The following PCDH11X variants were observed in gnomAD, a reference collection of about 807,000 sequenced individuals.
PCDH11X encodes the protein protocadherin 11 X-linked.
A neutral mutation model predicts 53.3 loss-of-function variants in PCDH11X; 18 were observed. The observed-to-expected ratio is 0.34, with a 90% CI of 0.23 to 0.50. The LOEUF is 0.50. PCDH11X is among the 20% of genes least tolerant of loss of function. PCDH11X has a pLI of 0.98. For missense variants in PCDH11X, 570 were observed against 1,032.4 expected, an observed-to-expected ratio of 0.55 and a Z score of 6.14; for synonymous variants, 279 against 393.3, an observed-to-expected ratio of 0.71 and a Z score of 3.44.
intron 8 of PCDH11X, among the ~76,000 whole-genome samples, chrX:92,277,976 A>G (rs1294509836): frequency 8.9e-6 from 1 of 111,912 alleles, no homozygotes; most frequent in Non-Finnish European, 1.9e-5. Context: ...ACATAGGTGA[A>G]TAATCAGAGA....
chrX:92,114,010 G>A (rs1186109100), intron 6 of PCDH11X: 3 of 1,204,474 alleles, frequency 2.5e-6, no homozygotes, highest in Non-Finnish European at 3.4e-6. Context: ...GATGTGGGGA[G>A]CTTCCATCTG....
chrX:92,411,794 A>C, intron 9 of PCDH11X, among the ~76,000 whole-genome samples: 1 of 105,585 alleles, frequency 9.5e-6, no homozygotes, highest in Non-Finnish European at 1.9e-5. Context: ...GTTTCAGAGA[A>C]GTGTAATCAG....
At chrX:92,474,743 C>T (rs1184332724) in intron 10 of PCDH11X, among the ~76,000 whole-genome samples, 1 of 100,330 alleles carries the variant, frequency 1.0e-5, no homozygotes, top group Non-Finnish European at 2.0e-5. Flanking sequence ...CTCATAAACA[C>T]TCTACATTTT....
intron 6 of PCDH11X, among the ~76,000 whole-genome samples, chrX:92,158,828 G>T (rs1304083098): frequency 9.0e-6 from 1 of 110,733 alleles, no homozygotes. Flanking sequence ...TAGAGACAGG[G>T]TTTCACCTTG....
chrX:92,180,735 AGTTCC>A (rs2065982480), intron 6 of PCDH11X, among the ~76,000 whole-genome samples: 2 of 111,683 alleles, frequency 1.8e-5, no homozygotes, highest in Admixed American at 1.9e-4. Flanking sequence ...TTTATAAAGG[AGTTCC>A]CCTGCACAAG....
At chrX:92,063,075 A>G (rs1314978461) in intron 6 of PCDH11X, among the ~76,000 whole-genome samples, 2 of 110,014 alleles carry the variant, frequency 1.8e-5, no homozygotes, top group Non-Finnish European at 3.8e-5. Flanking sequence ...CATCATTCTC[A>G]GCAAACTAAC....
At chrX:92,339,024 CA>C (rs916672743) in intron 8 of PCDH11X, among the ~76,000 whole-genome samples, 28 of 111,536 alleles carry the variant, frequency 2.5e-4, no homozygotes, top group African/African-American at 9.1e-4. Context: ...AACTATACTA[CA>C]AAGCTACAGT....
At chrX:91,932,671 A>AGTGTGTGTGTGTGT (rs67334455) in intron 6 of PCDH11X, among the ~76,000 whole-genome samples, 1 of 94,637 alleles carries the variant, frequency 1.1e-5, no homozygotes, top group Non-Finnish European at 2.1e-5. Flanking sequence ...GCATTGTGTG[A>AGTGTGTGTGTGTGT]GTGTGTGTGT....
chrX:92,247,479 C>T (rs1450168181), intron 7 of PCDH11X, among the ~76,000 whole-genome samples: 2 of 112,037 alleles, frequency 1.8e-5, no homozygotes, highest in Non-Finnish European at 3.8e-5. Context: ...CACATTGCCA[C>T]GAAGTTTGGT....
intron 8 of PCDH11X, among the ~76,000 whole-genome samples, chrX:92,281,445 C>T (rs1193018353): frequency 8.9e-6 from 1 of 111,907 alleles, no homozygotes. Flanking sequence ...CATTCCCAGG[C>T]AACTGCCATG....
chrX:91,907,257 A>G (rs1212011361), intron 6 of PCDH11X, among the ~76,000 whole-genome samples: 1 of 103,718 alleles, frequency 9.6e-6, no homozygotes, highest in Non-Finnish European at 2.0e-5. Flanking sequence ...TCAGATAGAG[A>G]TAAGGTGAAT....
Position 91,878,446 on chromosome X carries a change from A to T in PCDH11X, c.2206A>T (p.Met736Leu). 1 of 1,206,452 alleles carries T rather than the reference A, an allele frequency of 8.3e-7. No individual in the cohort carries two copies. Among genetic ancestry groups the T allele is most frequent in the South Asian group, 1.8e-5 (1 of 56,717 alleles). ...IDQETGNITLMEKCDVTDLGL... is the reference protein window; with the variant it reads ...IDQETGNITLLEKCDVTDLGL... ...CCAAGAAACAGGCAACATAACATTGATGGAGAAATGTGATGTTACAGACCT... is the reference window on the plus strand; with the variant it reads ...CCAAGAAACAGGCAACATAACATTGTTGGAGAAATGTGATGTTACAGACCT... The change falls in exon 6 of 11, where the codon ATG (methionine) becomes TTG (leucine). Residue 736 changes from methionine to leucine, a missense_variant. By Grantham distance (15) the Met-to-Leu change is conservative (BLOSUM62 2). Transcript: ENST00000682573.
rs192316090 is a variant in PCDH11X at position 92,299,456 on chromosome X, G to A, written c.3144+36313G>A. 6.3e-3 allele frequency among the ~76,000 whole-genome samples: 704 copies of A among 111,203 alleles called. 3 individuals are homozygous for A. Among genetic ancestry groups the A allele is most frequent in the African/African-American group, 0.022 (667 of 30,638 alleles). Reference sequence around the variant, plus strand: ...TCTGGTTCTGGGCTTTTTCTGGTTGGAAGGCTATTTATTACTGATTCAATT... The same window carrying A: ...TCTGGTTCTGGGCTTTTTCTGGTTGAAAGGCTATTTATTACTGATTCAATT... On this transcript the variant is annotated intron_variant, in intron 8 of 10. Coordinates refer to ENST00000682573, the MANE Select transcript of PCDH11X (RefSeq NM_032968.5).
chrX:92,233,091 A>T (rs2067110961), intron 7 of PCDH11X, among the ~76,000 whole-genome samples: 1 of 110,311 alleles, frequency 9.1e-6, no homozygotes, highest in African/African-American at 3.3e-5. Flanking sequence ...GCTTCTTTTG[A>T]TTTTCTGCAT....
At chrX:92,431,439 C>A (rs1326393574) in intron 9 of PCDH11X, among the ~76,000 whole-genome samples, 3 of 110,236 alleles carry the variant, frequency 2.7e-5, no homozygotes, top group African/African-American at 9.8e-5. Context: ...AAATAGAACT[C>A]AATTTTTGTT....
chrX:92,068,201 AT>A (rs756411156), intron 6 of PCDH11X, among the ~76,000 whole-genome samples: 1 of 107,222 alleles, frequency 9.3e-6, no homozygotes, highest in East Asian at 3.0e-4. Flanking sequence ...ATAAGTTTGT[AT>A]TGAGTTTGTT....
At chrX:91,832,513 A>G (rs1390645834) in intron 4 of PCDH11X, among the ~76,000 whole-genome samples, 10 of 72,477 alleles carry the variant, frequency 1.4e-4, no homozygotes, top group African/African-American at 4.5e-4. Flanking sequence ...GGAGGGGGGA[A>G]GGGTAGCATT....
intron 6 of PCDH11X, among the ~76,000 whole-genome samples, chrX:92,032,642 TTGA>T (rs1257814840): frequency 9.0e-6 from 1 of 110,600 alleles, no homozygotes; most frequent in Non-Finnish European, 1.9e-5. Context: ...TTTTATTATA[TTGA>T]GGTATGTTTC....
chrX:92,485,859 C>T (rs2073630536), intron 10 of PCDH11X, among the ~76,000 whole-genome samples: 1 of 111,032 alleles, frequency 9.0e-6, no homozygotes, highest in South Asian at 3.8e-4. Flanking sequence ...TTTATTAAAG[C>T]TGGGTTGGAC....
Sources: gnomAD v4.1 joint callset for allele counts (sites outside exome capture counted in the v4.1 genomes callset) on GRCh38, gnomAD v4.1.1 for gene constraint, MANE v1.5 for transcripts, NCBI Gene and HGNC (gene_info 2026-07-23, HGNC 2026-07-21) for gene names.